The following CFI variants were observed in gnomAD, a reference collection of about 807,000 sequenced individuals.
CFI encodes C3B/C4B inactivator.
Under a neutral mutation model 78.8 loss-of-function variants are expected in CFI, and 66 were observed. The observed-to-expected ratio is 0.84, with a 90% CI of 0.69 to 1.03. The LOEUF is 1.03. Among genes scored for constraint, CFI ranks in the 50% least tolerant of loss-of-function variants. The probability of loss-of-function intolerance (pLI) is 0.00; values close to 1 mark genes in which losing one functional copy is unlikely to be tolerated. For synonymous variants in CFI, 250 were observed against 232.6 expected (o/e 1.07, Z -0.68); for missense variants, 706 against 704.5 (o/e 1.00, Z -0.02).
chr4:109,774,602 T>C (rs996225758), intron 1 of CFI, among the ~76,000 whole-genome samples: 1 of 152,162 alleles, frequency 6.6e-6, no homozygotes. Flanking sequence ...TAGGAACCTG[T>C]TGGCTACTGT....
chr4:109,788,359 C>A (rs1202749844), intron 1 of CFI, among the ~76,000 whole-genome samples: 1 of 152,044 alleles, frequency 6.6e-6, no homozygotes, highest in Non-Finnish European at 1.5e-5. Context: ...ATGAGAATAT[C>A]TAGTTTCCAT....
chr4:109,772,169 T>A (rs1189128357), intron 1 of CFI, among the ~76,000 whole-genome samples: 2 of 152,312 alleles, frequency 1.3e-5, no homozygotes, highest in South Asian at 2.1e-4. Flanking sequence ...TGTTGAAAAA[T>A]AGCTGGGCAT....
chr4:109,752,575 TA>T, intron 7 of CFI, 72 bp from the exon 8 acceptor site: 2 of 1,268,332 alleles, frequency 1.6e-6, no homozygotes, highest in Non-Finnish European at 2.3e-6. Flanking sequence ...TAAAATCATT[TA>T]AACACTGATT....
At chr4:109,743,351 G>C (rs1024052012) in intron 11 of CFI, among the ~76,000 whole-genome samples, 7 of 152,094 alleles carry the variant, frequency 4.6e-5, no homozygotes, top group African/African-American at 1.7e-4. Context: ...ATTCTTAATG[G>C]CCCAGGAGAT....
At chr4:109,755,596 G>A (rs955586924) in intron 7 of CFI, among the ~76,000 whole-genome samples, 4 of 152,012 alleles carry the variant, frequency 2.6e-5, no homozygotes, top group Admixed American at 1.3e-4. Flanking sequence ...AAGTGAGTTC[G>A]GACTCCTCTT....
At chr4:109,800,460 G>A (rs1261074635) in intron 1 of CFI, among the ~76,000 whole-genome samples, 1 of 148,024 alleles carries the variant, frequency 6.8e-6, no homozygotes, top group Non-Finnish European at 1.5e-5. Flanking sequence ...GCCTCCCAAA[G>A]TACTGGGATT....
In CFI at chr4:109,800,048, A is replaced by ATTTTTGG. The variant is rs35183414; in HGVS notation, c.57+1860_57+1866dup. ...TTCCCTTTGGTTTCTGTAGAAATGG[A>ATTTTTGG]TTTTTGGTTTTTGGTTTTGGTGGAT... On this transcript the variant is annotated intron_variant, in intron 1 of 12. Transcript: ENST00000394634. 4.0e-3 allele frequency among the ~76,000 whole-genome samples: 597 copies of ATTTTTGG among 148,706 alleles called. 3 individuals carry two copies. The highest frequency in any genetic ancestry group is 0.014 in the African/African-American group (566 of 39,242).
At chr4:109,778,861 A>C (rs549506596) in intron 1 of CFI, among the ~76,000 whole-genome samples, 29 of 152,220 alleles carry the variant, frequency 1.9e-4, no homozygotes, top group Non-Finnish European at 3.5e-4. Context: ...CATCATATAA[A>C]CAGAACCAAA....
chr4:109,742,179 A>C, intron 12 of CFI: 1 of 311,772 alleles, frequency 3.2e-6, no homozygotes, highest in Non-Finnish European at 6.1e-6. Flanking sequence ...AAATGAAGAA[A>C]CCTGCTCAAG....
At chr4:109,766,916 A>G (rs1337109351) in intron 1 of CFI, 92 bp from the exon 2 acceptor site, 1 of 1,254,560 alleles carries the variant, frequency 8.0e-7, no homozygotes, top group Non-Finnish European at 1.2e-6. Flanking sequence ...AAACAGATAC[A>G]GCCCACAGTA....
chr4:109,771,251 T>A (rs755259850), intron 1 of CFI, among the ~76,000 whole-genome samples: 10 of 151,022 alleles, frequency 6.6e-5, no homozygotes, highest in Non-Finnish European at 1.2e-4. Flanking sequence ...AAATAAAAAA[T>A]AAATAAAAAA....
intron 7 of CFI, among the ~76,000 whole-genome samples, chr4:109,756,418 G>C (rs982921304): frequency 1.9e-4 from 28 of 148,954 alleles, no homozygotes; most frequent in African/African-American, 6.1e-4. Context: ...GAAGAGAAAA[G>C]AGGAACAAGA....
intron 1 of CFI, chr4:109,793,392 T>C (rs971037425): frequency 3.0e-4 from 46 of 152,254 alleles, no homozygotes; most frequent in African/African-American, 1.1e-3. Context: ...CAAAATAATA[T>C]AATACTGGCT....
intron 11 of CFI, among the ~76,000 whole-genome samples, chr4:109,745,196 G>A (rs749012841): frequency 2.0e-5 from 3 of 152,042 alleles, no homozygotes; most frequent in Non-Finnish European, 4.4e-5. Flanking sequence ...GCTTGTGGTT[G>A]TTTTGAGACA....
intron 1 of CFI, among the ~76,000 whole-genome samples, chr4:109,797,739 A>C (rs1229233380): frequency 6.6e-6 from 1 of 152,234 alleles, no homozygotes; most frequent in Non-Finnish European, 1.5e-5. Context: ...AGTCTACTTT[A>C]AAAAGTGGAC....
At chr4:109,760,931 C>G (rs140937443) in intron 4 of CFI, among the ~76,000 whole-genome samples, 252 of 152,266 alleles carry the variant, frequency 1.7e-3, no homozygotes, top group African/African-American at 5.7e-3. Flanking sequence ...CACTGGTTTC[C>G]ACCCATTTCT....
intron 1 of CFI, chr4:109,794,018 C>T (rs1731720489): frequency 6.6e-6 from 1 of 152,328 alleles, no homozygotes; most frequent in South Asian, 2.1e-4. Flanking sequence ...GATGAGAAAG[C>T]TGCTGCTAAT....
intron 10 of CFI, among the ~76,000 whole-genome samples, chr4:109,748,663 A>G (rs1318481687): frequency 5.9e-5 from 9 of 152,182 alleles, no homozygotes. Flanking sequence ...AGTAGCAGAA[A>G]GCAATCCAGA....
intron 6 of CFI, 170 bp downstream of exon 6, chr4:109,760,100 C>T (rs1396938612): frequency 3.6e-5 from 25 of 700,604 alleles, no homozygotes; most frequent in Middle Eastern, 2.3e-4. Flanking sequence ...AGATATTTAG[C>T]GGATGAAAAT....
Sources: allele counts gnomAD v4.1 joint callset (sites outside exome capture counted in the v4.1 genomes callset), GRCh38; gene constraint gnomAD v4.1.1; transcripts MANE v1.5; gene names NCBI Gene and HGNC (gene_info 2026-07-23, HGNC 2026-07-21).